Variants in ZNF2 observed in about 807,000 individuals in gnomAD.
The protein encoded by ZNF2 is zinc finger protein 2.
ZNF2 carries 12 observed loss-of-function variants against 21.9 expected under a neutral mutation model. The ratio of observed to expected loss-of-function variants is 0.55; its 90% confidence interval spans 0.35 to 0.89. The LOEUF (loss-of-function observed/expected upper bound fraction) is 0.89. ZNF2 is among the 40% of genes least tolerant of loss of function. The probability of loss-of-function intolerance (pLI) is 0.01; values close to 1 mark genes in which losing one functional copy is unlikely to be tolerated. For missense variants in ZNF2, 462 were observed against 544.2 expected, an observed-to-expected ratio of 0.85 and a Z score of 1.50; for synonymous variants, 186 against 196.3, an observed-to-expected ratio of 0.95 and a Z score of 0.44.
chr2:95,167,505 CAAAAAA>C (rs756206050), intron 1 of ZNF2, among the ~76,000 whole-genome samples: 1 of 44,950 alleles, frequency 2.2e-5, no homozygotes, highest in Non-Finnish European at 4.8e-5. Context: ...GACTCAGTCT[CAAAAAA>C]AAAAAAAAAA....
intron 1 of ZNF2, among the ~76,000 whole-genome samples, chr2:95,171,382 CTT>C (rs753994075): frequency 2.8e-5 from 4 of 141,250 alleles, no homozygotes; most frequent in Non-Finnish European, 3.1e-5. Flanking sequence ...TCTTCTTCTT[CTT>C]TTTTTTTTTT....
At chr2:95,174,029 T>C (rs1467087908) in intron 1 of ZNF2, among the ~76,000 whole-genome samples, 2 of 152,208 alleles carry the variant, frequency 1.3e-5, no homozygotes, top group Admixed American at 6.5e-5. Context: ...TTAATAGTGT[T>C]CCATTATATG....
intron 3 of ZNF2, among the ~76,000 whole-genome samples, chr2:95,178,451 T>G (rs1674522144): frequency 6.6e-6 from 1 of 152,184 alleles, no homozygotes; most frequent in African/African-American, 2.4e-5. Flanking sequence ...AAGGAGCATT[T>G]GTTACAGGCT....
rs755580845 is a variant in ZNF2, at chr2:95,181,182, A to G, written c.354A>G (p.Gln118=). The part of the protein sequence containing the change: ...EGSLRECLGR[Q]SPLCPKFEVH... The stretch of plus-strand genomic sequence containing the variant: ...CATTGAGGGAATGCCTTGGAAGGCA[A>G]AGTCCTCTGTGTCCTAAATTTGAAG... Residue 118 remains glutamine, a synonymous_variant, in exon 5 of 5, where the codon CAA becomes CAG. Transcript: ENST00000614034. 8.1e-5 allele frequency: 130 copies of G among 1,614,110 alleles called. No homozygotes were observed. Among genetic ancestry groups the G allele is most frequent in the Non-Finnish European group, 1.1e-4 (124 of 1,180,042 alleles).
At chr2:95,178,993 G>GTTT (rs368069255) in intron 3 of ZNF2, among the ~76,000 whole-genome samples, 5 of 130,452 alleles carry the variant, frequency 3.8e-5, no homozygotes, top group Non-Finnish European at 5.0e-5. Flanking sequence ...GGTTTTTTTT[G>GTTT]TTTTTTTTTT....
chr2:95,180,731 A>G (rs1674609761), intron 4 of ZNF2, among the ~76,000 whole-genome samples: 2 of 152,168 alleles, frequency 1.3e-5, no homozygotes, highest in Admixed American at 1.3e-4. Flanking sequence ...GCTGGTCTCG[A>G]ACTCCTGACC....
At position 95,181,867 on chromosome 2, in the gene ZNF2, G is replaced by A; in HGVS notation, c.1039G>A (p.Gly347Ser). 1 of 1,614,200 alleles carries A rather than the reference G, an allele frequency of 6.2e-7. No individual in the cohort carries two copies. The highest frequency in any genetic ancestry group is 8.5e-7 in the Non-Finnish European group (1 of 1,180,036). ...GDPRYQCNEC[G>S]KAFFDRSSLT... is the part of the protein sequence containing the mutation. ...CCCTCGCTATCAGTGTAACGAGTGT[G>A]GCAAAGCTTTCTTTGACCGCTCATC... Residue 347 changes from glycine to serine, a missense_variant, in exon 5 of 5, where the codon GGC becomes AGC. Gly to Ser is a moderately conservative substitution (Grantham distance 56, BLOSUM62 0). Transcript: ENST00000614034.
chr2:95,182,754 C>T lies in ZNF2; in HGVS notation c.*648C>T, dbSNP rs544537411. 7 of 152,740 alleles carry T rather than the reference C, an allele frequency of 4.6e-5. No homozygotes were observed. Among genetic ancestry groups the T allele is most frequent in the African/African-American group, 1.4e-4 (6 of 41,574 alleles). The allele number at this position is 152,740 out of a possible 1,614,324, so 9.5% of individuals were successfully genotyped here. On this transcript the variant is annotated 3_prime_UTR_variant, in exon 5 of 5. Coordinates refer to ENST00000614034, the MANE Select transcript of ZNF2 (RefSeq NM_021088.4). Reference sequence around the variant, plus strand: ...ATTAAATCACTTGCCCAAGGTGAACCAGCTGGTAAAAGGTGATGCCAGGTC... The same window carrying T: ...ATTAAATCACTTGCCCAAGGTGAACTAGCTGGTAAAAGGTGATGCCAGGTC...
At chr2:95,168,163 A>T (rs886824500) in intron 1 of ZNF2, among the ~76,000 whole-genome samples, 1 of 151,780 alleles carries the variant, frequency 6.6e-6, no homozygotes, top group African/African-American at 2.4e-5. Flanking sequence ...GCTGTGGCTC[A>T]TGCCTGTAAT....
chr2:95,180,893 C>G (rs1674615383), intron 4 of ZNF2, among the ~76,000 whole-genome samples: 1 of 152,208 alleles, frequency 6.6e-6, no homozygotes, highest in African/African-American at 2.4e-5. Flanking sequence ...ACTGGACATT[C>G]TCCTGTTTTC....
intron 1 of ZNF2, among the ~76,000 whole-genome samples, chr2:95,173,868 C>G (rs1286901515): frequency 6.6e-6 from 1 of 152,190 alleles, no homozygotes; most frequent in East Asian, 1.9e-4. Flanking sequence ...GCCACCACGC[C>G]CAGCTAATTT....
intron 1 of ZNF2, among the ~76,000 whole-genome samples, chr2:95,172,013 G>A (rs1007992412): frequency 1.3e-5 from 2 of 152,172 alleles, no homozygotes; most frequent in African/African-American, 2.4e-5. Context: ...AGAGGAATCC[G>A]TATATAGGCT....
Position 95,181,529 on chromosome 2 carries a change from G to A in ZNF2, c.701G>A (p.Cys234Tyr). 1 of 1,614,174 alleles carries A rather than the reference G, an allele frequency of 6.2e-7. No individual in the cohort carries two copies. The highest frequency in any genetic ancestry group is 8.5e-7 in the Non-Finnish European group (1 of 1,180,046). ...GAGAGCCCCTACGAGTGCAGTGTGT[G>A]CTCAAAAGCCTTCTTTGACCGTTCG... ...TGESPYECSV[C>Y]SKAFFDRSSL... Residue 234 changes from cysteine (C) to tyrosine (Y), a missense_variant, in exon 5 of 5, where the codon TGC becomes TAC. Cys to Tyr is a radical substitution (Grantham distance 194, BLOSUM62 -2). Coordinates refer to ENST00000614034, the MANE Select transcript of ZNF2 (RefSeq NM_021088.4).
chr2:95,179,060 C>G (rs1573401790), intron 3 of ZNF2, among the ~76,000 whole-genome samples: 1 of 148,906 alleles, frequency 6.7e-6, no homozygotes, highest in Non-Finnish European at 1.5e-5. Flanking sequence ...GATGCAATCT[C>G]GGCTCACTGC....
At chr2:95,169,090 AGTT>A (rs1203958408) in intron 1 of ZNF2, among the ~76,000 whole-genome samples, 15 of 152,162 alleles carry the variant, frequency 9.9e-5, no homozygotes, top group Non-Finnish European at 2.2e-4. Context: ...ACTCCCTGTG[AGTT>A]TGGTGGATTT....
At chr2:95,177,441 G>A (rs1384781667) in intron 2 of ZNF2, 42 bp from the exon 3 acceptor site, 1 of 1,598,070 alleles carries the variant, frequency 6.3e-7, no homozygotes, top group Non-Finnish European at 8.5e-7. Context: ...TCCAAGTAAA[G>A]AGAAGGATTA....
intron 1 of ZNF2, among the ~76,000 whole-genome samples, chr2:95,175,266 A>G (rs573593803): frequency 2.6e-5 from 4 of 152,196 alleles, no homozygotes; most frequent in Non-Finnish European, 4.4e-5. Flanking sequence ...ACAGAGCCCA[A>G]GAGAGTTAGA....
At chr2:95,171,375 T>G (rs1674261067) in intron 1 of ZNF2, among the ~76,000 whole-genome samples, 1 of 151,572 alleles carries the variant, frequency 6.6e-6, no homozygotes, top group African/African-American at 2.4e-5. Context: ...CTGTTTTTCT[T>G]CTTCTTCTTT....
chr2:95,168,788 A>T (rs1476137752), intron 1 of ZNF2, among the ~76,000 whole-genome samples: 1 of 152,226 alleles, frequency 6.6e-6, no homozygotes, highest in Non-Finnish European at 1.5e-5. Flanking sequence ...ATGGTTAATA[A>T]TTCCATGCTT....
Sources: allele counts gnomAD v4.1 joint callset (sites outside exome capture counted in the v4.1 genomes callset), GRCh38; gene constraint gnomAD v4.1.1; transcripts MANE v1.5; gene names NCBI Gene and HGNC (gene_info 2026-07-23, HGNC 2026-07-21).